The following CELSR3 variants were observed in gnomAD, a reference collection of about 807,000 sequenced individuals.
The protein encoded by CELSR3 is EGF-like protein 1.
CELSR3 carries 73 observed loss-of-function variants against 270.0 expected under a neutral mutation model. That is an observed-to-expected ratio of 0.27 (90% CI 0.22 to 0.33). The LOEUF (loss-of-function observed/expected upper bound fraction) is 0.33. CELSR3 is among the 10% of genes least tolerant of loss of function. The pLI is 1.00. For missense variants in CELSR3, 3,614 were observed against 4,533.8 expected, an observed-to-expected ratio of 0.80 and a Z score of 5.83; for synonymous variants, 1,780 against 1,905.4, an observed-to-expected ratio of 0.93 and a Z score of 1.71.
At chr3:48,643,414 TG>T in intron 28 of CELSR3, 139 bp downstream of exon 28, 1 of 1,189,676 alleles carries the variant, frequency 8.4e-7, no homozygotes, top group Non-Finnish European at 1.1e-6. Context: ...GGCCAGTGTC[TG>T]GTCTGGGGTA....
chr3:48,638,765 C>T (rs2106693882), intron 34 of CELSR3, among the ~76,000 whole-genome samples: 1 of 151,388 alleles, frequency 6.6e-6, no homozygotes, highest in South Asian at 2.1e-4. Context: ...CTCTGGTCCC[C>T]ACCCCCAGCA....
At chr3:48,649,363 C>G in intron 16 of CELSR3, 148 bp from the exon 17 acceptor site, 1 of 689,164 alleles carries the variant, frequency 1.5e-6, no homozygotes, top group East Asian at 2.7e-5. Flanking sequence ...AGGTAGCGGC[C>G]CAAGCCCAGG....
Position 48,650,616 on chromosome 3 carries a change from G to T in CELSR3, c.6371-35C>A. On this transcript the variant is annotated intron_variant, in intron 15 of 34. Transcript: ENST00000164024. This position sits in a 1 kb window ranked among gnomAD's most constrained non-coding sequence, Gnocchi z 5.1. Reference sequence around the variant, plus strand: ...GAAGAGGTGCTGAGCCAGGCAGTCAGGGTACAGGGCAGTTGACAGCCACAC... The same window carrying T: ...GAAGAGGTGCTGAGCCAGGCAGTCATGGTACAGGGCAGTTGACAGCCACAC... 1 of 1,559,822 alleles carries T rather than the reference G, an allele frequency of 6.4e-7. No homozygotes were observed. Among genetic ancestry groups the T allele is most frequent in the East Asian group, 2.3e-5 (1 of 44,378 alleles).
At position 48,643,036 on chromosome 3, in the gene CELSR3, C is replaced by G; in HGVS notation, c.8337G>C (p.Arg2779=). The G allele has an allele frequency of 6.2e-7, 1 of 1,612,750 alleles. No individual in the cohort carries two copies. Among genetic ancestry groups the G allele is most frequent in the Non-Finnish European group, 8.5e-7 (1 of 1,179,926 alleles). ...CCAGACAGGCTGGCATCCAGGCAGCCCGAGCATCTGCATTTAGGACACAGA... is the reference window on the plus strand; with the variant it reads ...CCAGACAGGCTGGCATCCAGGCAGCGCGAGCATCTGCATTTAGGACACAGA... ...LLFCVLNADA[R]AAWMPACLGR... is the part of the protein sequence containing the mutation. Residue 2779 remains arginine, a synonymous_variant, in exon 29 of 35, where the codon CGG becomes CGC. Coordinates refer to ENST00000164024, the MANE Select transcript of CELSR3 (RefSeq NM_001407.3).
chr3:48,648,238 G>GGCCCCCCCCACCCCCCC, intron 19 of CELSR3, 28 bp downstream of exon 19: 1 of 1,342,624 alleles, frequency 7.4e-7, no homozygotes, highest in Non-Finnish European at 1.1e-6. Flanking sequence ...CCCCTGCTGT[G>GGCCCCCCCCACCCCCCC]CCCCGCCCTA....
rs566629528 is a variant in CELSR3 at position 48,657,971 on chromosome 3, TACAC to T, written c.3749-627_3749-624del. ...TCCAGGGGGGTCTTGAACCCTGACA[TACAC>T]ACACACACACACACACCAGCATTCT... is the stretch of plus-strand genomic sequence containing the variant. On this transcript the variant is annotated intron_variant, in intron 1 of 34. Coordinates refer to ENST00000164024, the MANE Select transcript of CELSR3 (RefSeq NM_001407.3). The surrounding 1 kb of genome is among the most constrained non-coding windows in gnomAD (Gnocchi z 5.4). 1.3e-5 allele frequency among the ~76,000 whole-genome samples: 2 copies of T among 149,916 alleles called. 1 individual carries two copies. Among genetic ancestry groups the T allele is most frequent in the Middle Eastern group, 7.0e-3 (2 of 286 alleles).
Position 48,642,590 on chromosome 3 carries a change from G to T in CELSR3, c.8556-123C>A. On this transcript the variant is annotated intron_variant, in intron 30 of 34. Transcript: ENST00000164024. This position sits in a 1 kb window ranked among gnomAD's most constrained non-coding sequence, Gnocchi z 6.1. Reference sequence around the variant, plus strand: ...TGGCATCCCTGGGTGTGTGTGGTGGGAAGCATTTAGGGCAGAGGCAGAAGC... The same window carrying T: ...TGGCATCCCTGGGTGTGTGTGGTGGTAAGCATTTAGGGCAGAGGCAGAAGC... 7.0e-7 allele frequency: 1 copy of T among 1,432,584 alleles called. No individual in the cohort carries two copies. Among genetic ancestry groups the T allele is most frequent in the Non-Finnish European group, 9.4e-7 (1 of 1,059,768 alleles). 88.7% of individuals were successfully genotyped at this position (1,432,584 alleles called of 1,614,324 possible). A position where few individuals can be genotyped will look rare whatever the true frequency, so the allele number is the denominator to read the frequency against.
In CELSR3 at chr3:48,641,091, T is replaced by A; in HGVS notation, c.9025+233A>T. 1 of 532,998 alleles carries A rather than the reference T, an allele frequency of 1.9e-6. No homozygotes were observed. Among genetic ancestry groups the A allele is most frequent in the South Asian group, 2.5e-5 (1 of 40,096 alleles). The allele number at this position is 532,998 out of a possible 1,614,324, so 33.0% of individuals were successfully genotyped here. A position where few individuals can be genotyped will look rare whatever the true frequency, so the allele number is the denominator to read the frequency against. Reference sequence around the variant, plus strand: ...AAAAACAGATGGGCTGGGGCAGGAGTGGTCGCCTGTGGTCCCCCTGTGGTG... The same window carrying A: ...AAAAACAGATGGGCTGGGGCAGGAGAGGTCGCCTGTGGTCCCCCTGTGGTG... On this transcript the variant is annotated intron_variant, in intron 33 of 34. Coordinates refer to ENST00000164024, the MANE Select transcript of CELSR3 (RefSeq NM_001407.3). This position sits in a 1 kb window ranked among gnomAD's most constrained non-coding sequence, Gnocchi z 4.8.
At chr3:48,638,276 C>A (rs757406638) in intron 34 of CELSR3, 44 bp from the exon 35 acceptor site, 2 of 1,533,428 alleles carry the variant, frequency 1.3e-6, no homozygotes, top group African/African-American at 1.4e-5. Context: ...CCAGAGGACT[C>A]CGAGTCAGGC....
Position 48,640,672 on chromosome 3 carries a change from GA to G in CELSR3, c.9026-114del. ...TGGGATCCTTCCAACACAGGGATGGGAGCAGGAACCCCTTGGGGAGCAGCAG... is the reference window on the plus strand; with the variant it reads ...TGGGATCCTTCCAACACAGGGATGGGGCAGGAACCCCTTGGGGAGCAGCAG... On this transcript the variant is annotated intron_variant, in intron 33 of 34. Transcript: ENST00000164024. This position sits in a 1 kb window ranked among gnomAD's most constrained non-coding sequence, Gnocchi z 7.5. 4 of 1,209,350 alleles carry G rather than the reference GA, an allele frequency of 3.3e-6. No homozygotes were observed. In the South Asian group the frequency reaches 6.3e-5, roughly 19 times the overall value. The allele number at this position is 1,209,350 out of a possible 1,614,324, so 74.9% of individuals were successfully genotyped here.
chr3:48,660,737 T>G lies in CELSR3; in HGVS notation c.1898A>C (p.Asn633Thr), dbSNP rs1038582136. 6.8e-6 allele frequency: 11 copies of G among 1,613,986 alleles called. No homozygotes were observed. The South Asian group carries it at 1.2e-4, about 18-fold the overall frequency. ...QDAGRPPLSN[N>T]TGLASIQVVD... The stretch of plus-strand genomic sequence containing the variant: ...CACCTGGATGCTGGCCAGGCCCGTG[T>G]TGTTGGACAGCGGTGGCCGGCCAGC... Residue 633 changes from asparagine to threonine, a missense_variant, in exon 1 of 35, where the codon AAC becomes ACC. Transcript: ENST00000164024. The surrounding 1 kb of genome is among the most constrained non-coding windows in gnomAD (Gnocchi z 5.5).
In CELSR3 at chr3:48,640,910, G is replaced by T; in HGVS notation, c.9026-351C>A. 2.3e-6 allele frequency: 1 copy of T among 425,730 alleles called. No individual in the cohort carries two copies. Among genetic ancestry groups the T allele is most frequent in the Non-Finnish European group, 4.2e-6 (1 of 237,630 alleles). 26.4% of individuals were successfully genotyped at this position (425,730 alleles called of 1,614,324 possible). On this transcript the variant is annotated intron_variant, in intron 33 of 34. Transcript: ENST00000164024. This position sits in a 1 kb window ranked among gnomAD's most constrained non-coding sequence, Gnocchi z 7.5. ...TGCAGGAACCCCCCGGGTTGGACAG[G>T]AGCAGTCCCCAGGTCCCTGTGATGC...
rs975781676 is a variant in CELSR3, at chr3:48,650,194, G to C, written c.6472+286C>G. 2.0e-5 allele frequency: 11 copies of C among 553,194 alleles called. No homozygotes were observed. The highest frequency in any genetic ancestry group is 1.7e-4 in the South Asian group (11 of 65,488). 34.3% of individuals were successfully genotyped at this position (553,194 alleles called of 1,614,324 possible). A position where few individuals can be genotyped will look rare whatever the true frequency, so the allele number is the denominator to read the frequency against. On this transcript the variant is annotated intron_variant, in intron 16 of 34. Coordinates refer to ENST00000164024, the MANE Select transcript of CELSR3 (RefSeq NM_001407.3). This position sits in a 1 kb window ranked among gnomAD's most constrained non-coding sequence, Gnocchi z 5.1. ...TAGGCAGCAGGGAGGGGTCTGCAGG[G>C]ACCTCAGGCAGCAGGAGGGGTCTGC...
Position 48,642,520 on chromosome 3 carries a change from T to TG in CELSR3, c.8556-54dup. 1 of 1,563,690 alleles carries TG rather than the reference T, an allele frequency of 6.4e-7. No homozygotes were observed. Among genetic ancestry groups the TG allele is most frequent in the Non-Finnish European group, 8.7e-7 (1 of 1,148,454 alleles). ...GAAAGAGGGATGTGATGGGGTGCCT[T>TG]GGAGGCTGGAGTGTCTTTGAGTGCA... On this transcript the variant is annotated intron_variant, in intron 30 of 34. Coordinates refer to ENST00000164024, the MANE Select transcript of CELSR3 (RefSeq NM_001407.3). This position sits in a 1 kb window ranked among gnomAD's most constrained non-coding sequence, Gnocchi z 6.1.
chr3:48,645,482 C>T lies in CELSR3; in HGVS notation c.7758G>A (p.Glu2586=), dbSNP rs770573101. The T allele has an allele frequency of 4.3e-6, 7 of 1,612,874 alleles. No individual in the cohort carries two copies. Among genetic ancestry groups the T allele is most frequent in the African/African-American group, 1.3e-5 (1 of 75,056 alleles). ...ANVAAALGVA[E]LLFLLGIHRT... ...TGTGAATCCCCAGCAGGAAGAGGAG[C>T]TCTGCCACCCCCAGGGCGGCTGCCA... The change falls in exon 24 of 35, where the codon GAG becomes GAA. Residue 2586 remains glutamate, a synonymous_variant. Transcript: ENST00000164024. The surrounding 1 kb of genome is among the most constrained non-coding windows in gnomAD (Gnocchi z 5.4).
At position 48,653,808 on chromosome 3, in the gene CELSR3, A is replaced by G; in HGVS notation, c.5279-20T>C. On this transcript the variant is annotated intron_variant, in intron 8 of 34. Transcript: ENST00000164024. This position sits in a 1 kb window ranked among gnomAD's most constrained non-coding sequence, Gnocchi z 6.5. ...CCATAGCTGAGTGGATAAGAGAAAC[A>G]GGGTTACAGCCCCTGCCCCAGGAAC... 3 of 1,613,332 alleles carry G rather than the reference A, an allele frequency of 1.9e-6. No individual in the cohort carries two copies. The highest frequency in any genetic ancestry group is 2.5e-6 in the Non-Finnish European group (3 of 1,179,356).
Position 48,640,784 on chromosome 3 carries a change from G to A in CELSR3, c.9026-225C>T, listed in dbSNP as rs2047019108. The A allele has an allele frequency of 1.0e-5, 6 of 576,552 alleles. No individual in the cohort carries two copies. The highest frequency in any genetic ancestry group is 8.8e-5 in the South Asian group (4 of 45,296). The allele number at this position is 576,552 out of a possible 1,614,324, so 35.7% of individuals were successfully genotyped here. A position where few individuals can be genotyped will look rare whatever the true frequency, so the allele number is the denominator to read the frequency against. ...TCTTCCAGTTGTGGTCCCGGGGCAG[G>A]GGGAGGGCGGGCAGGTCTCATGGTG... is the stretch of plus-strand genomic sequence containing the variant. On this transcript the variant is annotated intron_variant, in intron 33 of 34. Transcript: ENST00000164024. This position sits in a 1 kb window ranked among gnomAD's most constrained non-coding sequence, Gnocchi z 7.5.
rs1301002999 is a variant in CELSR3 at position 48,659,733 on chromosome 3, C to T, written c.2902G>A (p.Gly968Arg). 1 of 1,614,218 alleles carries T rather than the reference C, an allele frequency of 6.2e-7. No homozygotes were observed. The change falls in exon 1 of 35, where the codon GGG (glycine) becomes AGG (arginine). Residue 968 changes from glycine to arginine, a missense_variant. Physicochemically the swap from Gly to Arg is moderately radical, Grantham distance 125. This residue lies in a region of CELSR3 where 1,331 missense variants were observed against 1,933.7 expected (regional missense o/e 0.69). Coordinates refer to ENST00000164024, the MANE Select transcript of CELSR3 (RefSeq NM_001407.3). This position sits in a 1 kb window ranked among gnomAD's most constrained non-coding sequence, Gnocchi z 8.1. ...APQFVASHYT[G>R]LVSEDAPPFT... Reference sequence around the variant, plus strand: ...GGTGGGGCATCCTCAGAGACCAGCCCTGTATAGTGGGAGGCCACAAATTGT... The same window carrying T: ...GGTGGGGCATCCTCAGAGACCAGCCTTGTATAGTGGGAGGCCACAAATTGT...
Position 48,639,882 on chromosome 3 carries a change from T to G in CELSR3, c.9703A>C (p.Ser3235Arg), listed in dbSNP as rs770871922. Residue 3235 changes from serine (S) to arginine (R), a missense_variant, in exon 34 of 35, where the codon AGC (serine) becomes CGC (arginine). By Grantham distance (110) the Ser-to-Arg change is moderately radical (BLOSUM62 -1). Transcript: ENST00000164024. The surrounding 1 kb of genome is among the most constrained non-coding windows in gnomAD (Gnocchi z 4.1). ...RAREDSVSGP[S>R]HGPSTEQLDI... ...AACTGTTCTGTGGAGGGGCCATGGC[T>G]GGGGCCACTGACCGAGTCCTCCCTA... is the stretch of plus-strand genomic sequence containing the variant. The G allele has an allele frequency of 1.9e-6, 3 of 1,613,354 alleles. No individual in the cohort carries two copies. In the South Asian group the frequency reaches 3.3e-5, roughly 18 times the overall value.
Sources: allele counts gnomAD v4.1 joint callset (sites outside exome capture counted in the v4.1 genomes callset), GRCh38; gene constraint gnomAD v4.1.1; regional missense constraint gnomAD v4.1.1; non-coding constraint Gnocchi (gnomAD v3.1); transcripts MANE v1.5; gene names NCBI Gene and HGNC (gene_info 2026-07-23, HGNC 2026-07-21).